ZNF366: variants seen among roughly 807,000 people sequenced by gnomAD.
ZNF366 encodes the protein dendritic cell-specific transcript protein.
ZNF366 carries 20 observed loss-of-function variants against 47.2 expected under a neutral mutation model. That is an observed-to-expected ratio of 0.42 (90% CI 0.30 to 0.62). ZNF366 has a LOEUF of 0.62. Among genes scored for constraint, ZNF366 ranks in the 20% least tolerant of loss-of-function variants. The pLI is 0.16. For missense variants in ZNF366, 987 were observed against 976.3 expected, an observed-to-expected ratio of 1.01 and a Z score of -0.15; for synonymous variants, 421 against 395.1, an observed-to-expected ratio of 1.07 and a Z score of -0.78.
At chr5:72,445,906 C>CT (rs1182080562) in intron 4 of ZNF366, among the ~76,000 whole-genome samples, 5 of 152,160 alleles carry the variant, frequency 3.3e-5, no homozygotes, top group East Asian at 1.9e-4. Context: ...AACTCCAGCC[C>CT]TTTTTTTGTG....
chr5:72,460,137 G>A (rs751470804), intron 2 of ZNF366, 28 bp downstream of exon 2: 3 of 1,604,902 alleles, frequency 1.9e-6, no homozygotes, highest in Non-Finnish European at 2.6e-6. Flanking sequence ...CCAAGGCCCC[G>A]TCCGCCCCAC....
chr5:72,504,086 C>A (rs748746283), intron 1 of ZNF366, among the ~76,000 whole-genome samples: 2 of 151,502 alleles, frequency 1.3e-5, no homozygotes, highest in Non-Finnish European at 2.9e-5. Context: ...CACACATGCG[C>A]GCGCACACAC....
Position 72,459,348 on chromosome 5 carries a change from C to A in ZNF366, c.1332+817G>T, listed in dbSNP as rs567852403. Among the ~76,000 whole-genome samples, 321 of 152,274 alleles carry A rather than the reference C, an allele frequency of 2.1e-3. 1 individual carries two copies. The highest frequency in any genetic ancestry group is 7.2e-3 in the African/African-American group (300 of 41,560). ...AGAGTGGGAGTCAGTGGGGGCAAAA[C>A]TCCCTCTCGGAGGCTCAGAGCAGGT... On this transcript the variant is annotated intron_variant, in intron 2 of 4. Transcript: ENST00000318442.
chr5:72,496,317 T>C (rs1401199156), intron 1 of ZNF366, among the ~76,000 whole-genome samples: 2 of 152,202 alleles, frequency 1.3e-5, no homozygotes, highest in Non-Finnish European at 2.9e-5. Context: ...CCAATCTATT[T>C]TCTGTCTCTA....
intron 1 of ZNF366, among the ~76,000 whole-genome samples, chr5:72,489,475 T>C (rs1743964047): frequency 6.6e-6 from 1 of 152,208 alleles, no homozygotes; most frequent in South Asian, 2.1e-4. Context: ...AATATATTTC[T>C]TCATGGAGCT....
chr5:72,483,137 A>G, intron 1 of ZNF366, among the ~76,000 whole-genome samples: 1 of 152,168 alleles, frequency 6.6e-6, no homozygotes. Flanking sequence ...TGTCAAAGCT[A>G]GAAGATCCAT....
At chr5:72,451,110 A>G (rs1249308489) in intron 3 of ZNF366, among the ~76,000 whole-genome samples, 1 of 152,184 alleles carries the variant, frequency 6.6e-6, no homozygotes, top group African/African-American at 2.4e-5. Context: ...GACCTGCTGA[A>G]TCATCTCTGC....
Position 72,440,771 on chromosome 5 carries a change from G to A in ZNF366, c.*2985C>T, listed in dbSNP as rs192939569. ...AACCACGATCATCCCAGGCAAACCA[G>A]GATGTTGGTCACTCAACAGCATACA... On this transcript the variant is annotated 3_prime_UTR_variant, in exon 5 of 5. Coordinates refer to ENST00000318442, the MANE Select transcript of ZNF366 (RefSeq NM_152625.3). 1 of 152,300 alleles carries A rather than the reference G, an allele frequency of 6.6e-6. No individual in the cohort carries two copies. Among genetic ancestry groups the A allele is most frequent in the Admixed American group, 6.5e-5 (1 of 15,300 alleles). 9.4% of individuals were successfully genotyped at this position (152,300 alleles called of 1,614,324 possible).
At chr5:72,454,139 C>G (rs936087283) in intron 3 of ZNF366, among the ~76,000 whole-genome samples, 2 of 152,192 alleles carry the variant, frequency 1.3e-5, no homozygotes, top group African/African-American at 4.8e-5. Flanking sequence ...AGACATGGAG[C>G]CTCATCTAAC....
chr5:72,496,383 T>A lies in ZNF366; in HGVS notation c.-15+10868A>T, dbSNP rs142334482. Among the ~76,000 whole-genome samples, 738 of 152,342 alleles carry A rather than the reference T, an allele frequency of 4.8e-3. 2 individuals carry two copies. The highest frequency in any genetic ancestry group is 0.017 in the African/African-American group (695 of 41,570). On this transcript the variant is annotated intron_variant, in intron 1 of 4. Coordinates refer to ENST00000318442, the MANE Select transcript of ZNF366 (RefSeq NM_152625.3). ...AGAAAATCATTTGATATTTACTGTG[T>A]GTCTGGTTCCTTTAATAATATTGTG...
In ZNF366 at chr5:72,495,907, C is replaced by T. The variant is rs191549046; in HGVS notation, c.-15+11344G>A. Among the ~76,000 whole-genome samples the T allele has an allele frequency of 7.3e-3, 1,115 of 152,304 alleles. 17 individuals are homozygous for T. The highest frequency in any genetic ancestry group is 0.024 in the African/African-American group (1,009 of 41,560). On this transcript the variant is annotated intron_variant, in intron 1 of 4. Coordinates refer to ENST00000318442, the MANE Select transcript of ZNF366 (RefSeq NM_152625.3). Reference sequence around the variant, plus strand: ...CCTGTCTTCCAGCCATCCTACTCCCCTGTCCAAAGGCAAATTCTATTAGCC... The same window carrying T: ...CCTGTCTTCCAGCCATCCTACTCCCTTGTCCAAAGGCAAATTCTATTAGCC...
At chr5:72,458,132 T>C (rs1301467879) in intron 2 of ZNF366, among the ~76,000 whole-genome samples, 1 of 148,004 alleles carries the variant, frequency 6.8e-6, no homozygotes, top group Admixed American at 6.8e-5. Context: ...TTCTCCTGCC[T>C]CAGCCTTCCG....
intron 1 of ZNF366, among the ~76,000 whole-genome samples, chr5:72,480,929 C>T (rs573656262): frequency 9.0e-4 from 137 of 152,208 alleles, no homozygotes; most frequent in African/African-American, 3.2e-3. Flanking sequence ...CTTTAAGAGC[C>T]CCTGTATATC....
intron 3 of ZNF366, among the ~76,000 whole-genome samples, chr5:72,449,737 C>T (rs1176632259): frequency 3.9e-5 from 6 of 152,312 alleles, no homozygotes; most frequent in Admixed American, 6.5e-5. Flanking sequence ...TAAAGCTTTG[C>T]CTGCTTTTTT....
At chr5:72,498,480 C>T (rs932369926) in intron 1 of ZNF366, among the ~76,000 whole-genome samples, 2 of 152,166 alleles carry the variant, frequency 1.3e-5, no homozygotes, top group South Asian at 2.1e-4. Flanking sequence ...TTCTTTCCTG[C>T]GTTACTCACA....
chr5:72,440,378 GAAAGAATAA>G lies in ZNF366; in HGVS notation c.*3369_*3377del, dbSNP rs1415169155. 1 of 152,174 alleles carries G rather than the reference GAAAGAATAA, an allele frequency of 6.6e-6. No homozygotes were observed. The highest frequency in any genetic ancestry group is 1.5e-5 in the Non-Finnish European group (1 of 68,034). 9.4% of individuals were successfully genotyped at this position (152,174 alleles called of 1,614,324 possible). A position where few individuals can be genotyped will look rare whatever the true frequency, so the allele number is the denominator to read the frequency against. On this transcript the variant is annotated 3_prime_UTR_variant, in exon 5 of 5. Transcript: ENST00000318442. ...AAGGTAACATGAGGAGTAATCATAG[GAAAGAATAA>G]AAAGAATAAAAGAAAAATATGCCAC...
At chr5:72,455,148 G>A (rs1743152931) in intron 3 of ZNF366, among the ~76,000 whole-genome samples, 1 of 152,192 alleles carries the variant, frequency 6.6e-6, no homozygotes, top group Non-Finnish European at 1.5e-5. Flanking sequence ...ACAGAAGTGG[G>A]TGGCAGGAAA....
intron 1 of ZNF366, among the ~76,000 whole-genome samples, chr5:72,481,085 AG>A (rs1204159417): frequency 6.6e-6 from 1 of 152,204 alleles, no homozygotes; most frequent in Non-Finnish European, 1.5e-5. Flanking sequence ...TGGGTGTTAG[AG>A]GGCTATTGGC....
At chr5:72,465,793 T>C (rs1410483053) in intron 1 of ZNF366, among the ~76,000 whole-genome samples, 1 of 152,182 alleles carries the variant, frequency 6.6e-6, no homozygotes, top group Non-Finnish European at 1.5e-5. Flanking sequence ...TGTGGGATAA[T>C]GGAAAGAGCG....
Sources: gnomAD v4.1 joint callset for allele counts (sites outside exome capture counted in the v4.1 genomes callset) on GRCh38, gnomAD v4.1.1 for gene constraint, MANE v1.5 for transcripts, NCBI Gene and HGNC (gene_info 2026-07-23, HGNC 2026-07-21) for gene names.